The following SNW1 variants were observed in gnomAD, a reference collection of about 807,000 sequenced individuals.
SNW1 encodes SNW domain-containing protein 1.
A neutral mutation model predicts 75.6 loss-of-function variants in SNW1; 9 were observed. That is an observed-to-expected ratio of 0.12 (90% CI 0.07 to 0.21). The LOEUF (loss-of-function observed/expected upper bound fraction) is 0.21, where lower values mean the gene tolerates loss of function less well. Ranked by LOEUF, SNW1 falls within the 10% of genes least tolerant of loss-of-function variation. SNW1 has a pLI of 1.00. For missense variants in SNW1, 409 were observed against 670.9 expected, an observed-to-expected ratio of 0.61 and a Z score of 4.31; for synonymous variants, 200 against 219.1, an observed-to-expected ratio of 0.91 and a Z score of 0.77.
chr14:77,728,553 A>C (rs1351825930), intron 10 of SNW1, among the ~76,000 whole-genome samples: 1 of 152,242 alleles, frequency 6.6e-6, no homozygotes. Flanking sequence ...AAGAACTGTC[A>C]GCTTATTTCC....
intron 3 of SNW1, among the ~76,000 whole-genome samples, chr14:77,747,709 GGGCAGCCCCCGCCCC>G (rs2080773190): frequency 6.8e-6 from 1 of 147,008 alleles, no homozygotes; most frequent in Admixed American, 6.6e-5. Context: ...GGGAGGTGCG[GGGCAGCCCCCGCCCC>G]GGCAGCCGCC....
At chr14:77,751,284 A>T (rs2139929642) in intron 3 of SNW1, 35 bp downstream of exon 3, 1 of 1,571,488 alleles carries the variant, frequency 6.4e-7, no homozygotes, top group East Asian at 2.3e-5. Context: ...GTTTCCTAAA[A>T]TATTTATCAT....
chr14:77,756,195 A>G (rs2080841616), intron 1 of SNW1, among the ~76,000 whole-genome samples: 1 of 151,774 alleles, frequency 6.6e-6, no homozygotes, highest in South Asian at 2.1e-4. Context: ...ACCTCGGCTC[A>G]CTGAAACCTC....
In SNW1 at chr14:77,718,122, T is replaced by C; in HGVS notation, c.1577A>G (p.His526Arg). Reference protein sequence around the residue: ...RPSDSSRPKEHEHEGKKRRKE With the variant: ...RPSDSSRPKEREHEGKKRRKE ...CCTCCTCTTCTTGCCTTCATGCTCG[T>C]GTTCCTTGGGGCGGCTGCTATCTGA... The change falls in exon 14 of 14, where the codon CAC becomes CGC. Residue 526 changes from histidine (H) to arginine (R), a missense_variant. By Grantham distance (29) the His-to-Arg change is conservative (BLOSUM62 0). Around this residue, in one of 9 missense-constraint regions of SNW1, gnomAD observed 24 missense variants for 31.0 expected, o/e 0.77. Transcript: ENST00000261531. The C allele has an allele frequency of 6.2e-7, 1 of 1,603,814 alleles. No homozygotes were observed. Among genetic ancestry groups the C allele is most frequent in the Non-Finnish European group, 8.5e-7 (1 of 1,175,552 alleles).
intron 3 of SNW1, among the ~76,000 whole-genome samples, chr14:77,743,353 C>T (rs2080734288): frequency 2.0e-5 from 3 of 152,064 alleles, no homozygotes; most frequent in African/African-American, 7.2e-5. Context: ...ATACACAGTA[C>T]TTACTTCACA....
At chr14:77,720,053 T>C (rs887717238) in intron 12 of SNW1, among the ~76,000 whole-genome samples, 3 of 152,250 alleles carry the variant, frequency 2.0e-5, no homozygotes, top group Non-Finnish European at 4.4e-5. Context: ...AATCCCGTTT[T>C]ACAGCTTCAT....
intron 10 of SNW1, among the ~76,000 whole-genome samples, chr14:77,728,034 G>A (rs1464141504): frequency 7.0e-6 from 1 of 143,870 alleles, no homozygotes; most frequent in African/African-American, 2.6e-5. Context: ...TTCTTTCATG[G>A]GAGCAATGTT....
At chr14:77,747,444 C>A (rs1402413553) in intron 3 of SNW1, among the ~76,000 whole-genome samples, 1 of 151,764 alleles carries the variant, frequency 6.6e-6, no homozygotes, top group Non-Finnish European at 1.5e-5. Context: ...GCACCTCTTC[C>A]CGGCCGCCAT....
intron 1 of SNW1, among the ~76,000 whole-genome samples, chr14:77,756,220 G>T (rs780817647): frequency 6.6e-6 from 1 of 151,364 alleles, no homozygotes; most frequent in South Asian, 2.1e-4. Context: ...GCCTGGATTC[G>T]TGTGATTCTC....
intron 10 of SNW1, among the ~76,000 whole-genome samples, chr14:77,726,485 A>G (rs1423283058): frequency 1.3e-5 from 2 of 151,968 alleles, no homozygotes; most frequent in Admixed American, 6.6e-5. Flanking sequence ...TCAGTCTTTT[A>G]TCATTTTCTT....
At position 77,755,071 on chromosome 14, in the gene SNW1, C is replaced by T; in HGVS notation, c.64G>A (p.Glu22Lys). 1.2e-6 allele frequency: 2 copies of T among 1,613,082 alleles called. No individual in the cohort carries two copies. Among genetic ancestry groups the T allele is most frequent in the African/African-American group, 1.3e-5 (1 of 75,000 alleles). ...CGTGATCTCTGGGATCTTGCCTTTTCTTCAGCCTCAAGCTGGTCCTGAGAT... is the reference window on the plus strand; with the variant it reads ...CGTGATCTCTGGGATCTTGCCTTTTTTTCAGCCTCAAGCTGGTCCTGAGAT... ...QLSQDQLEAE[E>K]KARSQRSRQT... Residue 22 changes from glutamate to lysine, a missense_variant, in exon 2 of 14, where the codon GAA (glutamate) becomes AAA (lysine). Physicochemically the swap from Glu to Lys is moderately conservative, Grantham distance 56 (BLOSUM62 1). This residue lies in a region of SNW1 where 73 missense variants were observed against 68.3 expected (regional missense o/e 1.07). Coordinates refer to ENST00000261531, the MANE Select transcript of SNW1 (RefSeq NM_012245.3).
chr14:77,740,602 T>G (rs1024703593), intron 3 of SNW1, among the ~76,000 whole-genome samples: 2 of 152,182 alleles, frequency 1.3e-5, no homozygotes. Context: ...TACAGAGTTC[T>G]GTTTATCATT....
At chr14:77,734,854 GT>G (rs2080658173) in intron 8 of SNW1, 92 bp downstream of exon 8, 1 of 811,182 alleles carries the variant, frequency 1.2e-6, no homozygotes, top group Non-Finnish European at 2.0e-6. Flanking sequence ...TAAACCACGT[GT>G]TGTTTCAACT....
At position 77,738,514 on chromosome 14, in the gene SNW1, G is replaced by C. The variant is rs576609921; in HGVS notation, c.533+264C>G. ...AGGATCACCTGAGCCCAGGAGGTGG[G>C]GGCTGCAGTGAGCTGTGTTGGTGTC... On this transcript the variant is annotated intron_variant, in intron 5 of 13. Transcript: ENST00000261531. 3.6e-3 allele frequency among the ~76,000 whole-genome samples: 537 copies of C among 150,910 alleles called. 1 individual carries two copies. The highest frequency in any genetic ancestry group is 6.0e-3 in the Non-Finnish European group (408 of 67,688).
chr14:77,732,039 T>A (rs1355875636), intron 9 of SNW1, among the ~76,000 whole-genome samples: 1 of 152,186 alleles, frequency 6.6e-6, no homozygotes, highest in Non-Finnish European at 1.5e-5. Flanking sequence ...CCCAGCCTAA[T>A]TCCATAATAT....
intron 2 of SNW1, among the ~76,000 whole-genome samples, chr14:77,752,220 T>C (rs1419083649): frequency 6.6e-6 from 1 of 152,190 alleles, no homozygotes. Flanking sequence ...TATTAACATA[T>C]TATTTATTCA....
At chr14:77,737,148 T>C in intron 5 of SNW1, 73 bp from the exon 6 acceptor site, 2 of 1,066,412 alleles carry the variant, frequency 1.9e-6, no homozygotes, top group South Asian at 1.3e-5. Context: ...TCTATTACAA[T>C]CTTAAGCTAG....
intron 3 of SNW1, among the ~76,000 whole-genome samples, chr14:77,746,033 A>T (rs2080758271): frequency 6.6e-6 from 1 of 152,244 alleles, no homozygotes; most frequent in Non-Finnish European, 1.5e-5. Context: ...AAAACAAACA[A>T]CAACACATAT....
In SNW1 at chr14:77,754,998, T is replaced by C. The variant is rs767507105; in HGVS notation, c.137A>G (p.Tyr46Cys). The C allele has an allele frequency of 1.9e-6, 3 of 1,607,418 alleles. No homozygotes were observed. Among genetic ancestry groups the C allele is most frequent in the Non-Finnish European group, 2.5e-6 (3 of 1,176,758 alleles). ...SSRREPPPYG[Y>C]RKGWIPRLLE... The stretch of plus-strand genomic sequence containing the variant: ...TAACCGAGGTATCCAGCCTTTCCGG[T>C]ATCCGTACGGGGGAGGTTCTCTTCG... The change falls in exon 2 of 14, where the codon TAC (tyrosine) becomes TGC (cysteine). Residue 46 changes from tyrosine (Y) to cysteine (C), a missense_variant. This residue lies in a region of SNW1 where 73 missense variants were observed against 68.3 expected (regional missense o/e 1.07). Coordinates refer to ENST00000261531, the MANE Select transcript of SNW1 (RefSeq NM_012245.3).
Sources: allele counts gnomAD v4.1 joint callset (sites outside exome capture counted in the v4.1 genomes callset), GRCh38; gene constraint gnomAD v4.1.1; regional missense constraint gnomAD v4.1.1; transcripts MANE v1.5; gene names NCBI Gene and HGNC (gene_info 2026-07-23, HGNC 2026-07-21).